The following SLC25A13 variants were observed in gnomAD, a reference collection of about 807,000 sequenced individuals.
SLC25A13 encodes solute carrier family 25 member 13.
SLC25A13 carries 70 observed loss-of-function variants against 85.5 expected under a neutral mutation model. The observed-to-expected ratio is 0.82, with a 90% confidence interval of 0.68 to 1.00. The LOEUF (loss-of-function observed/expected upper bound fraction) is 1.00, where lower values mean the gene tolerates loss of function less well. SLC25A13 is among the 50% of genes least tolerant of loss of function. The pLI, the probability that SLC25A13 is intolerant of heterozygous loss-of-function variation, is 0.00. For synonymous variants in SLC25A13, 259 were observed against 288.7 expected, an observed-to-expected ratio of 0.90 and a Z score of 1.04; for missense variants, 765 against 819.8, an observed-to-expected ratio of 0.93 and a Z score of 0.82.
At chr7:96,248,661 G>A (rs1350444028) in intron 3 of SLC25A13, among the ~76,000 whole-genome samples, 2 of 152,266 alleles carry the variant, frequency 1.3e-5, no homozygotes, top group Non-Finnish European at 2.9e-5. Context: ...TTCAGTCTGG[G>A]GGCTGGGAAG....
intron 13 of SLC25A13, among the ~76,000 whole-genome samples, chr7:96,159,021 A>G (rs1381473505): frequency 1.3e-5 from 2 of 152,250 alleles, no homozygotes; most frequent in Non-Finnish European, 1.5e-5. Context: ...ATTAAAACAC[A>G]TTGCCAAATT....
chr7:96,246,003 C>A (rs1797175650), intron 3 of SLC25A13, among the ~76,000 whole-genome samples: 1 of 152,194 alleles, frequency 6.6e-6, no homozygotes, highest in Admixed American at 6.5e-5. Flanking sequence ...ACTGAAAAGC[C>A]AGCAGGCATA....
chr7:96,281,424 C>T lies in SLC25A13; in HGVS notation c.70-4086G>A, dbSNP rs115881626. Among the ~76,000 whole-genome samples, 1,501 of 151,456 alleles carry T rather than the reference C, an allele frequency of 9.9e-3. 29 individuals are homozygous for T. The highest frequency in any genetic ancestry group is 0.035 in the African/African-American group (1,441 of 41,322). On this transcript the variant is annotated intron_variant, in intron 2 of 17. Coordinates refer to ENST00000265631, the MANE Select transcript of SLC25A13 (RefSeq NM_014251.3). Reference sequence around the variant, plus strand: ...AAAAAAAAAAAGAATAAACTAACTCCAACTACATATGACAACAGACGAATC... The same window carrying T: ...AAAAAAAAAAAGAATAAACTAACTCTAACTACATATGACAACAGACGAATC...
At chr7:96,225,105 T>G (rs756822947) in intron 4 of SLC25A13, among the ~76,000 whole-genome samples, 11 of 152,226 alleles carry the variant, frequency 7.2e-5, no homozygotes, top group Non-Finnish European at 1.6e-4. Flanking sequence ...AAATGATGGT[T>G]ACCTTACTTC....
In SLC25A13 at chr7:96,142,053, G is replaced by A. The variant is rs187431746; in HGVS notation, c.1452+4503C>T. Among the ~76,000 whole-genome samples the A allele has an allele frequency of 2.5e-3, 381 of 152,298 alleles. 1 individual carries two copies. Among genetic ancestry groups the A allele is most frequent in the Middle Eastern group, 0.02 (6 of 294 alleles). On this transcript the variant is annotated intron_variant, in intron 14 of 17. Transcript: ENST00000265631. ...AAATAAAATGAGGAAAGAGCTTTAA[G>A]ATATATTGTGTTTGAAAAGATTCTA...
chr7:96,307,873 C>T (rs1234634798), intron 1 of SLC25A13, among the ~76,000 whole-genome samples: 3 of 152,068 alleles, frequency 2.0e-5, no homozygotes, highest in African/African-American at 4.8e-5. Flanking sequence ...CCACTGCGGC[C>T]GGGCGCAGTG....
At chr7:96,295,400 G>C (rs756728939) in intron 2 of SLC25A13, among the ~76,000 whole-genome samples, 1 of 152,256 alleles carries the variant, frequency 6.6e-6, no homozygotes, top group Non-Finnish European at 1.5e-5. Context: ...AAAGTAGAGA[G>C]AACAGTGTAA....
intron 15 of SLC25A13, among the ~76,000 whole-genome samples, chr7:96,125,129 A>G (rs1791672844): frequency 6.6e-6 from 1 of 151,460 alleles, no homozygotes; most frequent in Admixed American, 6.6e-5. Flanking sequence ...TTTGCTCTTG[A>G]TGCCCAGGCT....
rs183041955 is a variant in SLC25A13, at chr7:96,307,882, T to C, written c.16-10931A>G. Among the ~76,000 whole-genome samples, 1,039 of 152,222 alleles carry C rather than the reference T, an allele frequency of 6.8e-3. 9 individuals carry two copies. The highest frequency in any genetic ancestry group is 0.023 in the African/African-American group (958 of 41,550). On this transcript the variant is annotated intron_variant, in intron 1 of 17. Transcript: ENST00000265631. ...CTGACTCCACTGCGGCCGGGCGCAGTGGCTCACGCCTGTAATCCCAGCACT... is the reference window on the plus strand; with the variant it reads ...CTGACTCCACTGCGGCCGGGCGCAGCGGCTCACGCCTGTAATCCCAGCACT...
At chr7:96,285,700 T>G (rs994565260) in intron 2 of SLC25A13, among the ~76,000 whole-genome samples, 1 of 152,230 alleles carries the variant, frequency 6.6e-6, no homozygotes, top group South Asian at 2.1e-4. Context: ...ACCTCCTGCA[T>G]GCCTATCCAT....
chr7:96,202,422 A>T (rs1339167496), intron 5 of SLC25A13, among the ~76,000 whole-genome samples: 1 of 152,178 alleles, frequency 6.6e-6, no homozygotes, highest in Non-Finnish European at 1.5e-5. Flanking sequence ...CTTAAACTCT[A>T]TTTGATGAGA....
intron 15 of SLC25A13, among the ~76,000 whole-genome samples, chr7:96,125,610 T>C (rs1393533766): frequency 1.3e-5 from 2 of 152,208 alleles, no homozygotes; most frequent in Non-Finnish European, 2.9e-5. Flanking sequence ...TGATTCATTT[T>C]CTATTCTCCT....
intron 13 of SLC25A13, among the ~76,000 whole-genome samples, chr7:96,161,051 C>A (rs976439242): frequency 1.3e-5 from 2 of 149,638 alleles, no homozygotes; most frequent in Non-Finnish European, 2.9e-5. Context: ...CTTCATGACT[C>A]TGACATAATT....
intron 1 of SLC25A13, among the ~76,000 whole-genome samples, chr7:96,319,927 G>A (rs987562501): frequency 1.4e-4 from 21 of 152,192 alleles, no homozygotes; most frequent in Non-Finnish European, 2.8e-4. Flanking sequence ...CCCTTGATAT[G>A]TGACACTTCT....
intron 11 of SLC25A13, among the ~76,000 whole-genome samples, chr7:96,177,102 C>A (rs570531521): frequency 1.3e-5 from 2 of 152,232 alleles, no homozygotes; most frequent in South Asian, 4.2e-4. Flanking sequence ...TTCTTTCTAC[C>A]TATCTTTTCA....
intron 13 of SLC25A13, among the ~76,000 whole-genome samples, chr7:96,155,701 C>T (rs1183276280): frequency 6.6e-6 from 1 of 152,208 alleles, no homozygotes; most frequent in Admixed American, 6.5e-5. Flanking sequence ...ATAACTACGG[C>T]CCTGCAAACT....
Position 96,296,925 on chromosome 7 carries a change from T to C in SLC25A13, c.42A>G (p.Pro14=). ...TCAAAAATATTGTTCTAAGCTCAGC[T>C]GGATCTGCTCTCTTGGTTAAAGCCA... ...AKVALTKRAD[P]AELRTIFLKY... Residue 14 remains proline, a synonymous_variant, in exon 2 of 18, where the codon CCA becomes CCG. Transcript: ENST00000265631. The C allele has an allele frequency of 6.2e-7, 1 of 1,613,744 alleles. No homozygotes were observed. Among genetic ancestry groups the C allele is most frequent in the Non-Finnish European group, 8.5e-7 (1 of 1,179,686 alleles).
chr7:96,285,724 T>C (rs1300054795), intron 2 of SLC25A13, among the ~76,000 whole-genome samples: 1 of 152,190 alleles, frequency 6.6e-6, no homozygotes, highest in Non-Finnish European at 1.5e-5. Context: ...GTCTCTTATA[T>C]AAAATCTGAG....
At chr7:96,128,268 T>C (rs777338117) in intron 15 of SLC25A13, among the ~76,000 whole-genome samples, 1 of 152,212 alleles carries the variant, frequency 6.6e-6, no homozygotes, top group African/African-American at 2.4e-5. Context: ...CTGCTTCCTT[T>C]CTTCTTTTAT....
Sources: allele counts gnomAD v4.1 joint callset (sites outside exome capture counted in the v4.1 genomes callset), GRCh38; gene constraint gnomAD v4.1.1; transcripts MANE v1.5; gene names NCBI Gene and HGNC (gene_info 2026-07-23, HGNC 2026-07-21).